PRSS55: variants seen among roughly 807,000 people sequenced by gnomAD.
The protein encoded by PRSS55 is probable serine protease UNQ9391/PRO34284.
PRSS55 carries 41 observed loss-of-function variants against 23.6 expected under a neutral mutation model. The ratio of observed to expected loss-of-function variants is 1.74; its 90% CI spans 1.35 to 2.26. PRSS55 has a LOEUF of 2.26. Among genes scored for constraint, PRSS55 ranks in the 30% most tolerant of loss-of-function variants. The pLI is 0.00. For synonymous variants in PRSS55, 262 were observed against 175.5 expected (o/e 1.49, Z -3.90); for missense variants, 669 against 439.1 (o/e 1.52, Z -4.68).
At chr8:10,535,483 G>C (rs7843134) in intron 4 of PRSS55, among the ~76,000 whole-genome samples, 7 of 152,080 alleles carry the variant, frequency 4.6e-5, no homozygotes, top group African/African-American at 1.7e-4. Context: ...CTTCCTTTTC[G>C]ATAAATGGTG....
At chr8:10,540,227 G>A (rs1043099979), downstream of PRSS55, 6 of 152,302 alleles carry the variant, frequency 3.9e-5, no homozygotes, top group African/African-American at 2.4e-5. Flanking sequence ...GAAGTCCCTC[G>A]AGAACGTGTT....
At chr8:10,532,231 G>A (rs1812294290) in intron 3 of PRSS55, among the ~76,000 whole-genome samples, 1 of 152,126 alleles carries the variant, frequency 6.6e-6, no homozygotes, top group Non-Finnish European at 1.5e-5. Context: ...AGGGGGAAGC[G>A]GTGGGACCTT....
intron 1 of PRSS55, among the ~76,000 whole-genome samples, chr8:10,528,686 G>T (rs1812127021): frequency 6.6e-6 from 1 of 152,184 alleles, no homozygotes; most frequent in Admixed American, 6.5e-5. Flanking sequence ...TCTTAGGGCT[G>T]CTGAAATGAA....
intron 4 of PRSS55, chr8:10,553,907 T>A (rs1040123039): frequency 5.0e-6 from 7 of 1,386,640 alleles, no homozygotes; most frequent in South Asian, 1.3e-5. Flanking sequence ...ATACATAAAA[T>A]TTTTTTAATT....
downstream of PRSS55, among the ~76,000 whole-genome samples, chr8:10,543,413 C>CTTTTCTTTTCTTTTCTTTTCCTTTAT (rs1554584922): frequency 1.3e-5 from 1 of 76,484 alleles, no homozygotes. Flanking sequence ...TTCTTTCTTT[C>CTTTTCTTTTCTTTTCTTTTCCTTTAT]TTCTTTCTTT....
At chr8:10,548,377 G>C (rs912204490) in intron 4 of PRSS55, among the ~76,000 whole-genome samples, 3 of 152,122 alleles carry the variant, frequency 2.0e-5, no homozygotes, top group African/African-American at 7.2e-5. Flanking sequence ...GAGGTTCCCT[G>C]AGAGCTGGCT....
At chr8:10,530,031 C>T (rs1303905348) in intron 2 of PRSS55, among the ~76,000 whole-genome samples, 1 of 152,216 alleles carries the variant, frequency 6.6e-6, no homozygotes, top group Non-Finnish European at 1.5e-5. Context: ...AGGGGGAAAT[C>T]CTTGTAATTC....
intron 4 of PRSS55, among the ~76,000 whole-genome samples, chr8:10,544,454 T>C (rs541239902): frequency 6.6e-6 from 1 of 152,316 alleles, no homozygotes; most frequent in Admixed American, 6.5e-5. Context: ...CTTGTTTGTT[T>C]ATCCAGTCTG....
chr8:10,528,175 G>A (rs1585864977), intron 1 of PRSS55, among the ~76,000 whole-genome samples: 1 of 151,092 alleles, frequency 6.6e-6, no homozygotes. Context: ...CTCCAGCCTG[G>A]GCGATAGAGC....
chr8:10,530,374 C>G (rs573080436), intron 2 of PRSS55, among the ~76,000 whole-genome samples: 5 of 152,352 alleles, frequency 3.3e-5, no homozygotes, highest in African/African-American at 1.2e-4. Flanking sequence ...GTTCAGGAGG[C>G]TGAGACAGGA....
chr8:10,547,237 T>A (rs1170120931), intron 4 of PRSS55, among the ~76,000 whole-genome samples: 1 of 152,320 alleles, frequency 6.6e-6, no homozygotes, highest in East Asian at 1.9e-4. Flanking sequence ...GTGAGCGTAG[T>A]GGTCCAGGCG....
intron 2 of PRSS55, 48 bp downstream of exon 2, chr8:10,529,747 T>A: frequency 6.4e-7 from 1 of 1,553,270 alleles, no homozygotes; most frequent in South Asian, 1.2e-5. Context: ...CGCCCACCCC[T>A]GGGGCACCCT....
At chr8:10,537,276 G>A (rs71516582) in intron 4 of PRSS55, among the ~76,000 whole-genome samples, 29,453 of 152,110 alleles carry the variant, frequency 0.19, 3,069 homozygotes, top group East Asian at 0.33. Flanking sequence ...CAGTATACAC[G>A]ACGGAATATT....
chr8:10,548,776 C>T (rs541282631), intron 4 of PRSS55, among the ~76,000 whole-genome samples: 27 of 152,288 alleles, frequency 1.8e-4, no homozygotes, highest in African/African-American at 5.5e-4. Context: ...CCCGTGCCCC[C>T]CTCCAGGCAG....
rs1486966882 is a variant in PRSS55, at chr8:10,544,980, A to G, written c.742-8963A>G. 3.0e-6 allele frequency: 3 copies of G among 984,186 alleles called. No individual in the cohort carries two copies. The African/African-American group carries it at 5.2e-5, about 17-fold the overall frequency. The allele number at this position is 984,186 out of a possible 1,614,324, so 61.0% of individuals were successfully genotyped here. The stretch of plus-strand genomic sequence containing the variant: ...TATATTAACTTTAACAGGGACAGAA[A>G]ACTGACTGTGTGCTCTGTTGACCCA... On this transcript the variant is annotated intron_variant, in intron 4 of 4. Coordinates refer to the PRSS55 transcript ENST00000522210.
intron 1 of PRSS55, among the ~76,000 whole-genome samples, chr8:10,527,236 T>C (rs1812059874): frequency 6.6e-6 from 1 of 152,266 alleles, no homozygotes; most frequent in South Asian, 2.1e-4. Context: ...ATGATATGGA[T>C]GTGGCTTACT....
At chr8:10,535,652 A>G (rs1386439063) in intron 4 of PRSS55, among the ~76,000 whole-genome samples, 1 of 152,252 alleles carries the variant, frequency 6.6e-6, no homozygotes, top group African/African-American at 2.4e-5. Context: ...CATTCTTGAC[A>G]TAGGCCTTAG....
At chr8:10,546,779 G>A (rs1812828969) in intron 4 of PRSS55, among the ~76,000 whole-genome samples, 3 of 152,072 alleles carry the variant, frequency 2.0e-5, no homozygotes, top group Admixed American at 6.5e-5. Context: ...ACCCTTCCAG[G>A]CTCAAGTGAT....
chr8:10,531,662 G>T, intron 3 of PRSS55, 117 bp downstream of exon 3: 1 of 1,421,612 alleles, frequency 7.0e-7, no homozygotes. Context: ...CCGCTCAGTG[G>T]AGTCTCACAG....
Sources: allele counts gnomAD v4.1 joint callset (sites outside exome capture counted in the v4.1 genomes callset), GRCh38; gene constraint gnomAD v4.1.1; transcripts MANE v1.5; gene names NCBI Gene and HGNC (gene_info 2026-07-23, HGNC 2026-07-21).